Variants in TAF3 observed in about 807,000 individuals in gnomAD.
TAF3 encodes TATA-box binding protein associated factor 3.
TAF3 carries 7 observed loss-of-function variants against 80.6 expected under a neutral mutation model. The ratio of observed to expected loss-of-function variants is 0.09; its 90% confidence interval spans 0.05 to 0.16. TAF3 has a LOEUF of 0.16. TAF3 is among the 10% of genes least tolerant of loss of function. The pLI, the probability that TAF3 is intolerant of heterozygous loss-of-function variation, is 1.00. For missense variants in TAF3, 921 were observed against 1,140.2 expected, an observed-to-expected ratio of 0.81 and a Z score of 2.77; for synonymous variants, 444 against 446.1, an observed-to-expected ratio of 1.00 and a Z score of 0.06.
chr10:8,008,657 C>T (rs1467420122), intron 4 of TAF3, among the ~76,000 whole-genome samples: 1 of 152,210 alleles, frequency 6.6e-6, no homozygotes, highest in African/African-American at 2.4e-5. Context: ...GTGTGGAGCA[C>T]AGGCTGCTCC....
intron 2 of TAF3, among the ~76,000 whole-genome samples, chr10:7,921,538 T>A (rs1436013354): frequency 6.6e-6 from 1 of 152,188 alleles, no homozygotes; most frequent in Non-Finnish European, 1.5e-5. Flanking sequence ...TTTTAAAAAA[T>A]TAAATAATAC....
chr10:7,863,724 T>TATATATATACACATATATATATACAC (rs1564350967), intron 2 of TAF3, among the ~76,000 whole-genome samples: 4 of 105,464 alleles, frequency 3.8e-5, no homozygotes, highest in East Asian at 2.7e-4. Context: ...TATATACACA[T>TATATATATACACATATATATATACAC]ATATATATAC....
chr10:8,006,780 G>C (rs923070081), intron 4 of TAF3, among the ~76,000 whole-genome samples: 1 of 152,220 alleles, frequency 6.6e-6, no homozygotes, highest in African/African-American at 2.4e-5. Flanking sequence ...GAACCGTGAA[G>C]GCTGGCAGCA....
At chr10:7,868,126 A>G (rs748963356) in intron 2 of TAF3, among the ~76,000 whole-genome samples, 2 of 152,072 alleles carry the variant, frequency 1.3e-5, no homozygotes, top group Admixed American at 6.6e-5. Flanking sequence ...AAATCCACAT[A>G]TAAGGGGGCA....
chr10:7,996,927 C>T (rs755420792), intron 4 of TAF3, among the ~76,000 whole-genome samples: 31 of 150,622 alleles, frequency 2.1e-4, no homozygotes, highest in Non-Finnish European at 4.3e-4. Context: ...CTCCTGAGCT[C>T]ACACAGTCTG....
At position 7,949,754 on chromosome 10, in the gene TAF3, A is replaced by G. The variant is rs1439525272; in HGVS notation, c.410-14166A>G. On this transcript the variant is annotated intron_variant, in intron 2 of 6. Coordinates refer to ENST00000344293, the MANE Select transcript of TAF3 (RefSeq NM_031923.4). ...ACTGTGAAGCAATTCTTTCTTCTAT[A>G]AAACATTTTTTTAACTGCATAGACC... Among the ~76,000 whole-genome samples the G allele has an allele frequency of 7.8e-5, 8 of 102,138 alleles. No homozygotes were observed. In the Admixed American group the frequency reaches 1.0e-3, roughly 13 times the overall value. The allele number at this position is 102,138 out of a possible 152,430, so 67.0% of individuals were successfully genotyped here.
intron 2 of TAF3, among the ~76,000 whole-genome samples, chr10:7,824,912 T>C (rs1445948284): frequency 6.6e-6 from 1 of 152,230 alleles, no homozygotes; most frequent in Non-Finnish European, 1.5e-5. Flanking sequence ...GTAGCTCTTT[T>C]CCTCCTCGCT....
intron 2 of TAF3, among the ~76,000 whole-genome samples, chr10:7,912,255 T>G: frequency 6.6e-6 from 1 of 152,156 alleles, no homozygotes; most frequent in East Asian, 1.9e-4. Flanking sequence ...AAAATGATGG[T>G]TTAGTTTTTT....
At chr10:7,842,237 G>A (rs938504064) in intron 2 of TAF3, among the ~76,000 whole-genome samples, 2 of 133,480 alleles carry the variant, frequency 1.5e-5, no homozygotes, top group Non-Finnish European at 3.1e-5. Flanking sequence ...GCTGTGGCAC[G>A]ATCGTAGTTC....
rs752892925 is a variant in TAF3, at chr10:8,013,688, C to T, written c.2569-43C>T. 171 of 1,530,362 alleles carry T rather than the reference C, an allele frequency of 1.1e-4. No individual in the cohort carries two copies. The Admixed American group carries it at 1.4e-3, about 12-fold the overall frequency. 94.8% of individuals were successfully genotyped at this position (1,530,362 alleles called of 1,614,324 possible). A position where few individuals can be genotyped will look rare whatever the true frequency, so the allele number is the denominator to read the frequency against. ...GATCTGGCCTCTTTTTGTTTTTTTT[C>T]CCATTCCCTCCATTTTTGCCGCTTC... On this transcript the variant is annotated intron_variant, in intron 5 of 6. Transcript: ENST00000344293.
At chr10:7,915,114 G>T (rs548295560) in intron 2 of TAF3, among the ~76,000 whole-genome samples, 1 of 151,314 alleles carries the variant, frequency 6.6e-6, no homozygotes, top group Non-Finnish European at 1.5e-5. Flanking sequence ...CTACTTTTTT[G>T]TATTTTTAGT....
chr10:7,878,981 G>C (rs1181102223), intron 2 of TAF3, among the ~76,000 whole-genome samples: 2 of 152,066 alleles, frequency 1.3e-5, no homozygotes, highest in African/African-American at 4.8e-5. Context: ...GCTCACCTCA[G>C]CTTCCCAAAA....
chr10:7,930,918 GATCTTT>G, intron 2 of TAF3, among the ~76,000 whole-genome samples: 1 of 152,110 alleles, frequency 6.6e-6, no homozygotes, highest in East Asian at 1.9e-4. Flanking sequence ...GAAGGAAAAG[GATCTTT>G]ATAAGTCCCA....
intron 4 of TAF3, among the ~76,000 whole-genome samples, chr10:7,983,747 G>A (rs1270981228): frequency 2.6e-5 from 4 of 152,188 alleles, no homozygotes; most frequent in Admixed American, 2.6e-4. Context: ...GCTGAGGCAA[G>A]AGGATTGATT....
At chr10:7,909,242 G>A (rs1837635414) in intron 2 of TAF3, among the ~76,000 whole-genome samples, 1 of 152,216 alleles carries the variant, frequency 6.6e-6, no homozygotes, top group Non-Finnish European at 1.5e-5. Context: ...TGGGGCCCAG[G>A]CTCTGGGTTT....
intron 2 of TAF3, among the ~76,000 whole-genome samples, chr10:7,955,590 A>C (rs1057034778): frequency 6.6e-6 from 1 of 152,226 alleles, no homozygotes; most frequent in Non-Finnish European, 1.5e-5. Context: ...TGTGCAAACA[A>C]TTTCCCTTTA....
At chr10:7,903,493 A>G (rs1837579259) in intron 2 of TAF3, among the ~76,000 whole-genome samples, 1 of 152,212 alleles carries the variant, frequency 6.6e-6, no homozygotes, top group South Asian at 2.1e-4. Context: ...AAAATTTTTA[A>G]TAAGGACAAC....
chr10:8,007,612 C>CT (rs1210747739), intron 4 of TAF3, among the ~76,000 whole-genome samples: 944 of 41,080 alleles, frequency 0.023, 22 homozygotes, highest in African/African-American at 0.054. Context: ...ATATATATAC[C>CT]TTTTTTTTTT....
At chr10:7,871,435 C>CTTTTTT (rs527356726) in intron 2 of TAF3, among the ~76,000 whole-genome samples, 947 of 68,970 alleles carry the variant, frequency 0.014, 89 homozygotes, top group Admixed American at 0.036. Context: ...ATAACTGCTG[C>CTTTTTT]TTTTTTTTTT....
Sources: gnomAD v4.1 joint callset for allele counts (sites outside exome capture counted in the v4.1 genomes callset) on GRCh38, gnomAD v4.1.1 for gene constraint, MANE v1.5 for transcripts, NCBI Gene and HGNC (gene_info 2026-07-23, HGNC 2026-07-21) for gene names.